Variants in CALCR observed in about 807,000 individuals in gnomAD.
The protein encoded by CALCR is calcitonin receptor.
Under a neutral mutation model 59.5 loss-of-function variants are expected in CALCR, and 47 were observed. The observed-to-expected ratio is 0.79, with a 90% CI of 0.63 to 1.01. CALCR has a LOEUF of 1.01. CALCR is among the 50% of genes least tolerant of loss of function. The pLI is 0.00. For missense variants in CALCR, 566 were observed against 597.1 expected, an observed-to-expected ratio of 0.95 and a Z score of 0.54; for synonymous variants, 213 against 211.3, an observed-to-expected ratio of 1.01 and a Z score of -0.07.
chr7:93,497,311 C>T (rs555283471), intron 2 of CALCR, among the ~76,000 whole-genome samples: 17 of 151,606 alleles, frequency 1.1e-4, no homozygotes, highest in Non-Finnish European at 1.9e-4. Flanking sequence ...GCACATTGAG[C>T]TCTTATAAAC....
intron 2 of CALCR, among the ~76,000 whole-genome samples, chr7:93,526,219 G>A (rs1316083540): frequency 6.6e-6 from 1 of 152,066 alleles, no homozygotes; most frequent in African/African-American, 2.4e-5. Context: ...GAGGAAACTT[G>A]GACCCTAAGT....
At chr7:93,532,888 T>G (rs1788883465) in intron 2 of CALCR, among the ~76,000 whole-genome samples, 1 of 148,308 alleles carries the variant, frequency 6.7e-6, no homozygotes, top group South Asian at 2.1e-4. Flanking sequence ...TAACTACTTT[T>G]CTTTCATGAG....
intron 2 of CALCR, among the ~76,000 whole-genome samples, chr7:93,554,825 T>C (rs1402816457): frequency 1.4e-5 from 2 of 144,320 alleles, no homozygotes; most frequent in African/African-American, 5.5e-5. Flanking sequence ...AAGTACACAA[T>C]ATCACTATTT....
intron 2 of CALCR, among the ~76,000 whole-genome samples, chr7:93,568,398 T>C (rs1181947646): frequency 2.0e-5 from 3 of 152,146 alleles, no homozygotes; most frequent in Non-Finnish European, 4.4e-5. Context: ...ACGACTAAAA[T>C]TGCTCTCAAT....
intron 2 of CALCR, among the ~76,000 whole-genome samples, chr7:93,501,264 A>G (rs1432021251): frequency 6.6e-6 from 1 of 152,102 alleles, no homozygotes; most frequent in African/African-American, 2.4e-5. Context: ...TTAATTTTTC[A>G]GGTGAACTGA....
At chr7:93,491,034 G>T (rs1242983430) in intron 2 of CALCR, among the ~76,000 whole-genome samples, 1 of 151,944 alleles carries the variant, frequency 6.6e-6, no homozygotes, top group East Asian at 1.9e-4. Context: ...AACCAAAACA[G>T]CATGGCACTG....
At chr7:93,523,937 T>G (rs920679577) in intron 2 of CALCR, among the ~76,000 whole-genome samples, 2 of 152,076 alleles carry the variant, frequency 1.3e-5, no homozygotes, top group African/African-American at 2.4e-5. Flanking sequence ...ATTTCTCTAA[T>G]GGATGCTCAT....
chr7:93,487,073 AT>A, intron 2 of CALCR, 66 bp from the exon 3 acceptor site: 1 of 814,940 alleles, frequency 1.2e-6, no homozygotes, highest in South Asian at 1.6e-5. Context: ...ATGGCATTTC[AT>A]TTTCATTTTT....
intron 3 of CALCR, among the ~76,000 whole-genome samples, chr7:93,482,461 A>C (rs973377720): frequency 6.6e-5 from 10 of 151,786 alleles, no homozygotes; most frequent in African/African-American, 2.4e-4. Context: ...CTTATCTGTC[A>C]CTTGTATTAG....
At chr7:93,547,253 C>T (rs538998405) in intron 2 of CALCR, among the ~76,000 whole-genome samples, 1 of 152,020 alleles carries the variant, frequency 6.6e-6, no homozygotes, top group Non-Finnish European at 1.5e-5. Flanking sequence ...ATCACAGTCC[C>T]CTTTATAGTT....
intron 2 of CALCR, among the ~76,000 whole-genome samples, chr7:93,495,361 A>C (rs1801176733): frequency 6.6e-6 from 1 of 151,394 alleles, no homozygotes. Context: ...GCAACCCAAG[A>C]ACCTAGAGAA....
chr7:93,443,578 A>C, intron 9 of CALCR, 26 bp downstream of exon 9: 2 of 1,608,574 alleles, frequency 1.2e-6, no homozygotes, highest in Non-Finnish European at 1.7e-6. Context: ...AAAGTGACTC[A>C]AAACTTAGCT....
At chr7:93,467,559 GT>G (rs1355770973) in intron 7 of CALCR, among the ~76,000 whole-genome samples, 1 of 151,564 alleles carries the variant, frequency 6.6e-6, no homozygotes, top group Non-Finnish European at 1.5e-5. Flanking sequence ...ATTCTACTAT[GT>G]TTTAAATTTA....
chr7:93,550,278 T>C (rs1490613433), intron 2 of CALCR, among the ~76,000 whole-genome samples: 1 of 151,614 alleles, frequency 6.6e-6, no homozygotes, highest in African/African-American at 2.4e-5. Context: ...TCACCTGAGG[T>C]CAGGAGTTCG....
At chr7:93,528,137 G>GTT (rs1788719884) in intron 2 of CALCR, among the ~76,000 whole-genome samples, 2 of 151,992 alleles carry the variant, frequency 1.3e-5, no homozygotes, top group African/African-American at 2.4e-5. Flanking sequence ...AATAAATTTC[G>GTT]TACACTTCTA....
intron 8 of CALCR, 83 bp from the exon 9 acceptor site, chr7:93,443,840 C>A: frequency 8.6e-7 from 1 of 1,161,980 alleles, no homozygotes; most frequent in Non-Finnish European, 1.2e-6. Context: ...GAAAACAAGC[C>A]AAAGTATCTG....
At chr7:93,468,830 A>ACAAACAAACAAC (rs1035470841) in intron 6 of CALCR, 24 bp from the exon 7 acceptor site, 1 of 1,272,336 alleles carries the variant, frequency 7.9e-7, no homozygotes, top group Non-Finnish European at 1.1e-6. Flanking sequence ...AAGTAAACAA[A>ACAAACAAACAAC]CAAACAATGA....
intron 8 of CALCR, among the ~76,000 whole-genome samples, chr7:93,456,270 T>C (rs964371108): frequency 1.3e-5 from 2 of 152,162 alleles, no homozygotes; most frequent in Admixed American, 6.6e-5. Context: ...TTTGAAAATA[T>C]GCAAGAGGCA....
chr7:93,568,027 T>C (rs1789905629), intron 2 of CALCR, among the ~76,000 whole-genome samples: 1 of 152,186 alleles, frequency 6.6e-6, no homozygotes, highest in South Asian at 2.1e-4. Flanking sequence ...TTAAGAAAAT[T>C]ATTTCAATGA....
Sources: allele counts gnomAD v4.1 joint callset (sites outside exome capture counted in the v4.1 genomes callset), GRCh38; gene constraint gnomAD v4.1.1; transcripts MANE v1.5; gene names NCBI Gene and HGNC (gene_info 2026-07-23, HGNC 2026-07-21).